STXBP5L: variants seen among roughly 807,000 people sequenced by gnomAD.
STXBP5L encodes the protein syntaxin-binding protein 5-like.
Under a neutral mutation model 144.5 loss-of-function variants are expected in STXBP5L, and 65 were observed. That is an observed-to-expected ratio of 0.45 (90% CI 0.37 to 0.55). The LOEUF is 0.55. Among genes scored for constraint, STXBP5L ranks in the 20% least tolerant of loss-of-function variants. The probability of loss-of-function intolerance (pLI) is 0.00; values close to 1 mark genes in which losing one functional copy is unlikely to be tolerated. For synonymous variants in STXBP5L, 505 were observed against 469.6 expected (o/e 1.08, Z -0.97); for missense variants, 1,298 against 1,405.5 (o/e 0.92, Z 1.22).
intron 6 of STXBP5L, among the ~76,000 whole-genome samples, chr3:121,118,751 T>C (rs1453489694): frequency 6.6e-6 from 1 of 151,470 alleles, no homozygotes; most frequent in Non-Finnish European, 1.5e-5. Context: ...TAAAGAAATA[T>C]TTAAAAGAAG....
intron 22 of STXBP5L, among the ~76,000 whole-genome samples, chr3:121,403,436 TAAGA>T (rs912960110): frequency 2.0e-5 from 3 of 152,140 alleles, no homozygotes; most frequent in Non-Finnish European, 4.4e-5. Flanking sequence ...TTCACCTACT[TAAGA>T]AAGTCAATCC....
intron 3 of STXBP5L, among the ~76,000 whole-genome samples, chr3:121,029,883 T>C (rs1946239938): frequency 6.6e-6 from 1 of 151,378 alleles, no homozygotes; most frequent in Non-Finnish European, 1.5e-5. Flanking sequence ...GAACAGAGAC[T>C]TCTCAAAAGA....
chr3:120,929,219 T>G (rs1381818833), intron 2 of STXBP5L, among the ~76,000 whole-genome samples: 1 of 152,196 alleles, frequency 6.6e-6, no homozygotes, highest in African/African-American at 2.4e-5. Context: ...TATTCTGGGC[T>G]GATGATTGCA....
chr3:121,344,839 A>G (rs886953207), intron 20 of STXBP5L, among the ~76,000 whole-genome samples: 1 of 151,752 alleles, frequency 6.6e-6, no homozygotes, highest in Non-Finnish European at 1.5e-5. Context: ...CTTAAAAAGT[A>G]ATGAATTAAG....
intron 2 of STXBP5L, among the ~76,000 whole-genome samples, chr3:120,946,449 A>G (rs1416711798): frequency 6.6e-6 from 1 of 151,756 alleles, no homozygotes; most frequent in Non-Finnish European, 1.5e-5. Context: ...AATATATTAT[A>G]TATAATTTCT....
At chr3:121,277,331 A>G (rs1266171290) in intron 18 of STXBP5L, among the ~76,000 whole-genome samples, 5 of 152,076 alleles carry the variant, frequency 3.3e-5, no homozygotes, top group African/African-American at 1.2e-4. Flanking sequence ...CCCACCTCTT[A>G]ATACAATCAT....
chr3:120,923,491 A>G (rs1261889992), intron 2 of STXBP5L, among the ~76,000 whole-genome samples: 1 of 151,752 alleles, frequency 6.6e-6, no homozygotes, highest in African/African-American at 2.4e-5. Context: ...CTTCTCTCCT[A>G]GTACTGCTTT....
chr3:121,338,646 G>C (rs1295606744), intron 20 of STXBP5L, among the ~76,000 whole-genome samples: 1 of 145,314 alleles, frequency 6.9e-6, no homozygotes, highest in East Asian at 2.0e-4. Context: ...AAGAGAAAGA[G>C]AGAAAGAAAA....
At position 121,379,318 on chromosome 3, in the gene STXBP5L, T is replaced by C. The variant is rs200103370; in HGVS notation, c.2347+432T>C. ...GATATTAAATTCTAAAGTTTGCAAT[T>C]TTCATCTTCATATATTTTTAAAAGG... On this transcript the variant is annotated intron_variant, in intron 21 of 26. Coordinates refer to ENST00000471454, the MANE Select transcript of STXBP5L (RefSeq NM_001308330.2). Among the ~76,000 whole-genome samples the C allele has an allele frequency of 7.9e-5, 12 of 152,280 alleles. No homozygotes were observed. In the East Asian group the frequency reaches 2.3e-3, roughly 29 times the overall value.
intron 3 of STXBP5L, among the ~76,000 whole-genome samples, 164 bp from the exon 4 acceptor site, chr3:121,041,536 G>A (rs1361644400): frequency 1.3e-5 from 2 of 151,770 alleles, no homozygotes; most frequent in South Asian, 2.1e-4. Context: ...AACATCTGAG[G>A]TATACAATTT....
At chr3:121,329,356 G>C (rs984754901) in intron 20 of STXBP5L, among the ~76,000 whole-genome samples, 3 of 152,152 alleles carry the variant, frequency 2.0e-5, no homozygotes, top group Admixed American at 1.3e-4. Context: ...CTCTCCAGGT[G>C]CTTTAAGATC....
intron 20 of STXBP5L, among the ~76,000 whole-genome samples, chr3:121,347,943 C>T (rs1353385758): frequency 6.6e-6 from 1 of 152,244 alleles, no homozygotes; most frequent in East Asian, 1.9e-4. Context: ...ATTGAATACC[C>T]TTTATTTCCT....
intron 5 of STXBP5L, among the ~76,000 whole-genome samples, chr3:121,089,420 G>T (rs147278655): frequency 1.3e-5 from 2 of 151,554 alleles, no homozygotes; most frequent in Admixed American, 6.6e-5. Flanking sequence ...CACCTGAATA[G>T]CATTCTACTT....
intron 19 of STXBP5L, among the ~76,000 whole-genome samples, chr3:121,289,708 A>C (rs1317354101): frequency 6.6e-6 from 1 of 152,194 alleles, no homozygotes; most frequent in Admixed American, 6.5e-5. Flanking sequence ...GTACTCTCTC[A>C]GACCACAGTG....
chr3:120,974,783 C>G (rs1193596725), intron 3 of STXBP5L, among the ~76,000 whole-genome samples: 1 of 152,090 alleles, frequency 6.6e-6, no homozygotes, highest in Non-Finnish European at 1.5e-5. Flanking sequence ...TTCCCAGCAC[C>G]ATTTATTAAA....
chr3:121,200,383 A>T (rs1306962559), intron 9 of STXBP5L, among the ~76,000 whole-genome samples: 1 of 151,846 alleles, frequency 6.6e-6, no homozygotes, highest in Non-Finnish European at 1.5e-5. Context: ...TTTCTTCTTC[A>T]TTAGTCTAGC....
intron 3 of STXBP5L, among the ~76,000 whole-genome samples, chr3:120,991,380 G>C (rs1456301319): frequency 6.6e-6 from 1 of 151,792 alleles, no homozygotes; most frequent in Non-Finnish European, 1.5e-5. Flanking sequence ...TACAGTGGTG[G>C]TGGGACTGTA....
chr3:121,304,711 G>A (rs141296779), intron 19 of STXBP5L, among the ~76,000 whole-genome samples: 2 of 152,052 alleles, frequency 1.3e-5, no homozygotes, highest in African/African-American at 2.4e-5. Context: ...TATTACTGAA[G>A]GAGTGCTTAG....
At position 121,157,684 on chromosome 3, in the gene STXBP5L, A is replaced by G. The variant is rs538004660; in HGVS notation, c.877+57A>G. 3 of 1,553,998 alleles carry G rather than the reference A, an allele frequency of 1.9e-6. No individual in the cohort carries two copies. In the South Asian group the frequency reaches 3.7e-5, roughly 19 times the overall value. ...CTGGCAATTCAGTGCCTTGACTTGA[A>G]GTAAGAGAGATGGTATTAATGCGTT... is the stretch of plus-strand genomic sequence containing the variant. On this transcript the variant is annotated intron_variant, in intron 9 of 26. Coordinates refer to ENST00000471454, the MANE Select transcript of STXBP5L (RefSeq NM_001308330.2).
Sources: gnomAD v4.1 joint callset for allele counts (sites outside exome capture counted in the v4.1 genomes callset) on GRCh38, gnomAD v4.1.1 for gene constraint, MANE v1.5 for transcripts, NCBI Gene and HGNC (gene_info 2026-07-23, HGNC 2026-07-21) for gene names.